Variants in NBAS observed in about 807,000 individuals in gnomAD.
NBAS encodes the protein NAG/BC035112 fusion.
In NBAS, 219 loss-of-function variants were observed where a neutral mutation model predicts 302.5. The observed-to-expected ratio is 0.72, with a 90% CI of 0.65 to 0.81. NBAS has a LOEUF of 0.81. NBAS is among the 30% of genes least tolerant of loss of function. The probability of loss-of-function intolerance (pLI) is 0.00; values close to 1 mark genes in which losing one functional copy is unlikely to be tolerated. For synonymous variants in NBAS, 1,118 were observed against 1,021.6 expected, an observed-to-expected ratio of 1.09 and a Z score of -1.80; for missense variants, 2,932 against 2,841.6, an observed-to-expected ratio of 1.03 and a Z score of -0.72.
the NBAS span, among the ~76,000 whole-genome samples, chr2:15,131,663 C>T: frequency 6.6e-6 from 1 of 152,138 alleles, no homozygotes; most frequent in African/African-American, 2.4e-5. Flanking sequence ...AGAAAGACAG[C>T]AGCTTCTCTG....
chr2:14,903,327 C>CAAAAAAA, the NBAS span, among the ~76,000 whole-genome samples: 1 of 62,576 alleles, frequency 1.6e-5, no homozygotes. Context: ...ATAAGCTTTG[C>CAAAAAAA]AAAAAAAAAA....
At chr2:14,787,531 T>G in the NBAS span, among the ~76,000 whole-genome samples, 116 of 152,316 alleles carry the variant, frequency 7.6e-4, no homozygotes, top group African/African-American at 2.4e-3. Flanking sequence ...TGACATAATC[T>G]CTCAGCATTT....
chr2:15,062,778 A>T, the NBAS span, among the ~76,000 whole-genome samples: 1 of 152,232 alleles, frequency 6.6e-6, no homozygotes, highest in Non-Finnish European at 1.5e-5. Flanking sequence ...GTAAAATCCG[A>T]AAGACAAGAA....
chr2:15,439,091 C>G (rs146230699), intron 21 of NBAS, among the ~76,000 whole-genome samples: 1,935 of 152,082 alleles, frequency 0.013, 32 homozygotes, highest in East Asian at 0.06. Context: ...GTCTGCAGAT[C>G]GAGACCATCC....
intron 51 of NBAS, among the ~76,000 whole-genome samples, chr2:15,177,373 A>T (rs547477464): frequency 1.1e-4 from 16 of 152,266 alleles, no homozygotes; most frequent in African/African-American, 3.9e-4. Context: ...ATGTGGGGGA[A>T]ATGCTGCTGT....
At chr2:14,800,785 G>GTTTTTTTTTTTT in the NBAS span, among the ~76,000 whole-genome samples, 8 of 129,524 alleles carry the variant, frequency 6.2e-5, 1 homozygote, top group African/African-American at 1.3e-4. Flanking sequence ...GATTTAAATT[G>GTTTTTTTTTTTT]TTTTTGTTTT....
At chr2:15,413,313 G>T (rs1019995076) in intron 25 of NBAS, among the ~76,000 whole-genome samples, 2 of 152,162 alleles carry the variant, frequency 1.3e-5, no homozygotes, top group African/African-American at 4.8e-5. Context: ...ACTAGGCACT[G>T]TGCAATTCCC....
chr2:14,968,281 G>T, the NBAS span, among the ~76,000 whole-genome samples: 8 of 152,068 alleles, frequency 5.3e-5, no homozygotes, highest in Admixed American at 1.3e-4. Flanking sequence ...AAAAGACAAA[G>T]AACCCAATTT....
At chr2:15,289,384 G>A (rs894548170) in intron 41 of NBAS, among the ~76,000 whole-genome samples, 1 of 152,168 alleles carries the variant, frequency 6.6e-6, no homozygotes, top group African/African-American at 2.4e-5. Flanking sequence ...TTACAGGTGT[G>A]AGCCACCATA....
chr2:15,417,819 A>C, intron 23 of NBAS, 107 bp from the exon 24 acceptor site: 1 of 1,104,054 alleles, frequency 9.1e-7, no homozygotes, highest in Non-Finnish European at 1.3e-6. Context: ...ATTTTTTATA[A>C]AATTGCATTA....
intron 40 of NBAS, among the ~76,000 whole-genome samples, chr2:15,297,845 T>C (rs1468679211): frequency 1.3e-5 from 2 of 152,118 alleles, no homozygotes; most frequent in East Asian, 3.8e-4. Flanking sequence ...TCTCATGCCA[T>C]ATATATGTGC....
At chr2:15,135,677 C>A in the NBAS span, among the ~76,000 whole-genome samples, 1 of 152,122 alleles carries the variant, frequency 6.6e-6, no homozygotes, top group Non-Finnish European at 1.5e-5. Context: ...GCTTTCTGTT[C>A]TCACTCTAAG....
chr2:15,485,754 G>T (rs1452483786), intron 12 of NBAS, among the ~76,000 whole-genome samples: 1 of 152,210 alleles, frequency 6.6e-6, no homozygotes, highest in Non-Finnish European at 1.5e-5. Context: ...ACAATGGAAT[G>T]AAGTTTTGGA....
At chr2:15,357,585 A>C (rs1027341653) in intron 32 of NBAS, among the ~76,000 whole-genome samples, 1 of 152,120 alleles carries the variant, frequency 6.6e-6, no homozygotes, top group African/African-American at 2.4e-5. Flanking sequence ...GGCTGGTCTT[A>C]AACTCCTGGG....
the NBAS span, among the ~76,000 whole-genome samples, chr2:15,080,419 T>C: frequency 3.3e-5 from 5 of 152,208 alleles, no homozygotes; most frequent in African/African-American, 1.2e-4. Context: ...AACATTGTCC[T>C]TGTTTGACCA....
intron 12 of NBAS, among the ~76,000 whole-genome samples, chr2:15,487,029 T>C (rs1282361071): frequency 6.6e-6 from 1 of 152,146 alleles, no homozygotes; most frequent in Non-Finnish European, 1.5e-5. Context: ...ACACAGAATA[T>C]GAAATATTAA....
chr2:15,473,445 T>C, intron 15 of NBAS, 98 bp from the exon 16 acceptor site: 2 of 1,468,514 alleles, frequency 1.4e-6, no homozygotes, highest in Non-Finnish European at 1.9e-6. Context: ...CTTGGACTTA[T>C]CCAGCATGTC....
chr2:15,500,949 C>G (rs1468143556), intron 11 of NBAS, among the ~76,000 whole-genome samples: 1 of 151,366 alleles, frequency 6.6e-6, no homozygotes. Context: ...AAGAAAAGAT[C>G]CAAGCCAATA....
intron 11 of NBAS, among the ~76,000 whole-genome samples, chr2:15,497,252 C>A (rs1681105625): frequency 6.6e-6 from 1 of 152,158 alleles, no homozygotes; most frequent in African/African-American, 2.4e-5. Flanking sequence ...CGGCTTTCTT[C>A]AAGCAAGAAA....
Sources: allele counts gnomAD v4.1 joint callset (sites outside exome capture counted in the v4.1 genomes callset), GRCh38; gene constraint gnomAD v4.1.1; transcripts MANE v1.5; gene names NCBI Gene and HGNC (gene_info 2026-07-23, HGNC 2026-07-21).